The following FLT1 variants were observed in gnomAD, a reference collection of about 807,000 sequenced individuals.
FLT1 encodes fms related receptor tyrosine kinase 1, also known as vascular endothelial growth factor receptor 1.
A neutral mutation model predicts 156.3 loss-of-function variants in FLT1; 49 were observed. That is an observed-to-expected ratio of 0.31 (90% CI 0.25 to 0.40). FLT1 has a LOEUF of 0.40. FLT1 is among the 10% of genes least tolerant of loss of function. FLT1 has a pLI of 1.00. For missense variants in FLT1, 1,322 were observed against 1,637.2 expected, an observed-to-expected ratio of 0.81 and a Z score of 3.32; for synonymous variants, 594 against 583.8, an observed-to-expected ratio of 1.02 and a Z score of -0.25.
chr13:28,473,786 GAAA>G (rs1240807233), intron 1 of FLT1, among the ~76,000 whole-genome samples: 1 of 87,000 alleles, frequency 1.1e-5, no homozygotes, highest in South Asian at 4.0e-4. Context: ...AGGAAAGAAA[GAAA>G]GAAAGAAAGA....
intron 29 of FLT1, among the ~76,000 whole-genome samples, chr13:28,305,147 A>G (rs924039751): frequency 2.2e-4 from 33 of 152,186 alleles, no homozygotes; most frequent in African/African-American, 8.0e-4. Flanking sequence ...TTCCACCAGC[A>G]GTGTATGAGG....
At chr13:28,464,630 A>T (rs1879754184) in intron 3 of FLT1, among the ~76,000 whole-genome samples, 1 of 152,274 alleles carries the variant, frequency 6.6e-6, no homozygotes, top group African/African-American at 2.4e-5. Context: ...GGCTTAGATT[A>T]ACAATGGATT....
At chr13:28,481,177 C>A (rs1157067479) in intron 1 of FLT1, among the ~76,000 whole-genome samples, 1 of 152,132 alleles carries the variant, frequency 6.6e-6, no homozygotes, top group African/African-American at 2.4e-5. Flanking sequence ...GGAACCTAAG[C>A]CAGTTAACAG....
chr13:28,421,937 T>C (rs1877028922), intron 10 of FLT1, among the ~76,000 whole-genome samples: 2 of 152,236 alleles, frequency 1.3e-5, no homozygotes, highest in Non-Finnish European at 2.9e-5. Context: ...GTGCCAAGAA[T>C]AGAACTTGCT....
intron 15 of FLT1, among the ~76,000 whole-genome samples, chr13:28,354,597 G>A (rs1872835971): frequency 1.3e-5 from 2 of 152,040 alleles, no homozygotes; most frequent in South Asian, 4.1e-4. Context: ...TTTTATAAAT[G>A]GGCACAATAT....
intron 3 of FLT1, among the ~76,000 whole-genome samples, chr13:28,443,348 T>C (rs1204985332): frequency 1.3e-5 from 2 of 152,218 alleles, no homozygotes; most frequent in Non-Finnish European, 2.9e-5. Flanking sequence ...TGCTGGCACA[T>C]TGAAGCATAC....
At chr13:28,356,410 C>T (rs60791534) in intron 15 of FLT1, among the ~76,000 whole-genome samples, 5 of 152,190 alleles carry the variant, frequency 3.3e-5, no homozygotes, top group Non-Finnish European at 7.4e-5. Context: ...TCTGTATGAG[C>T]GAGCAGAAAA....
rs887199074 is a variant in FLT1 at position 28,334,128 on chromosome 13, G to T, written c.2490C>A (p.Gly830=). 1.9e-6 allele frequency: 3 copies of T among 1,606,326 alleles called. No individual in the cohort carries two copies. The highest frequency in any genetic ancestry group is 8.5e-7 in the Non-Finnish European group (1 of 1,172,908). The change falls in exon 18 of 30, where the codon GGC becomes GGA. Residue 830 remains glycine, a splice_region_variant and synonymous_variant. Transcript: ENST00000282397. ...WEFARERLKL[G]KSLGRGAFGK... is the part of the protein sequence containing the mutation. ...CAAAAGCCCCTCTTCCAAGTGATTT[G>T]CCTGTAATGAAGAGAAGACACTGGT... is the stretch of plus-strand genomic sequence containing the variant.
intron 10 of FLT1, among the ~76,000 whole-genome samples, chr13:28,419,046 T>C (rs1345672737): frequency 6.6e-6 from 1 of 152,202 alleles, no homozygotes; most frequent in Middle Eastern, 3.2e-3. Flanking sequence ...GACTTATTGA[T>C]TAAGTCTATC....
chr13:28,311,843 G>T (rs77857617), intron 26 of FLT1, 111 bp from the exon 27 acceptor site: 12 of 1,308,044 alleles, frequency 9.2e-6, no homozygotes, highest in Non-Finnish European at 1.2e-5. Context: ...GTTGTGTTTT[G>T]AGAAGATAAT....
intron 20 of FLT1, 40 bp downstream of exon 20, chr13:28,327,422 A>T: frequency 1.6e-6 from 2 of 1,213,346 alleles, no homozygotes; most frequent in Non-Finnish European, 2.5e-6. Flanking sequence ...ATGAAAACTC[A>T]TTGCTATCTT....
intron 18 of FLT1, 61 bp from the exon 19 acceptor site, chr13:28,329,789 C>A: frequency 7.2e-7 from 1 of 1,389,512 alleles, no homozygotes; most frequent in Non-Finnish European, 1.0e-6. Context: ...CCGCCGGAGG[C>A]GGCATTCTTG....
intron 14 of FLT1, among the ~76,000 whole-genome samples, chr13:28,361,600 T>C: frequency 6.6e-6 from 1 of 152,108 alleles, no homozygotes; most frequent in Non-Finnish European, 1.5e-5. Context: ...ATCTGAGGGA[T>C]GGAGACAAAT....
intron 3 of FLT1, among the ~76,000 whole-genome samples, chr13:28,452,040 CG>C (rs1311238388): frequency 6.6e-6 from 1 of 152,188 alleles, no homozygotes; most frequent in Non-Finnish European, 1.5e-5. Context: ...GAAATTTTTA[CG>C]TGAACTCTTC....
chr13:28,491,681 T>C (rs1404509408), intron 1 of FLT1, among the ~76,000 whole-genome samples: 1 of 152,158 alleles, frequency 6.6e-6, no homozygotes, highest in Non-Finnish European at 1.5e-5. Context: ...CATCATATGG[T>C]TTCTCATCCA....
intron 24 of FLT1, 96 bp downstream of exon 24, chr13:28,319,327 G>A (rs1871341981): frequency 1.2e-6 from 1 of 804,416 alleles, no homozygotes; most frequent in Admixed American, 2.0e-5. Context: ...GTTACAGTAG[G>A]TTCTAATCTA....
chr13:28,457,584 AAG>A (rs1265628469), intron 3 of FLT1, among the ~76,000 whole-genome samples: 1 of 152,260 alleles, frequency 6.6e-6, no homozygotes, highest in Non-Finnish European at 1.5e-5. Context: ...TAAATAGTTA[AAG>A]GAAAAACTGT....
intron 14 of FLT1, among the ~76,000 whole-genome samples, chr13:28,358,766 A>G (rs1335165880): frequency 6.6e-6 from 1 of 152,186 alleles, no homozygotes. Context: ...CACACAAGCC[A>G]ACAAATAGAA....
intron 14 of FLT1, among the ~76,000 whole-genome samples, chr13:28,360,916 C>A (rs758324922): frequency 1.3e-5 from 2 of 152,226 alleles, no homozygotes; most frequent in Non-Finnish European, 2.9e-5. Context: ...CCATTGTATA[C>A]ATGTATTAAT....
Sources: allele counts gnomAD v4.1 joint callset (sites outside exome capture counted in the v4.1 genomes callset), GRCh38; gene constraint gnomAD v4.1.1; transcripts MANE v1.5; gene names NCBI Gene and HGNC (gene_info 2026-07-23, HGNC 2026-07-21).